Variants in NFIA observed in about 807,000 individuals in gnomAD.
NFIA encodes the protein nuclear factor 1 A-type.
In NFIA, 8 loss-of-function variants were observed where a neutral mutation model predicts 62.8. That is an observed-to-expected ratio of 0.13 (90% CI 0.07 to 0.23). The LOEUF is 0.23. Ranked by LOEUF, NFIA falls within the 10% of genes least tolerant of loss-of-function variation. The pLI, the probability that NFIA is intolerant of heterozygous loss-of-function variation, is 1.00. For synonymous variants in NFIA, 235 were observed against 238.1 expected (o/e 0.99, Z 0.12); for missense variants, 410 against 642.1 (o/e 0.64, Z 3.91).
At chr1:61,365,251 A>G (rs1175219473) in intron 6 of NFIA, among the ~76,000 whole-genome samples, 1 of 152,158 alleles carries the variant, frequency 6.6e-6, no homozygotes, top group Admixed American at 6.5e-5. Flanking sequence ...CAGAATTTTA[A>G]CAAGATCTCC....
chr1:61,280,773 G>A (rs1003152826), intron 3 of NFIA, among the ~76,000 whole-genome samples: 1 of 152,140 alleles, frequency 6.6e-6, no homozygotes, highest in African/African-American at 2.4e-5. Flanking sequence ...GAATTTTGAA[G>A]GAATTATCTG....
intron 2 of NFIA, among the ~76,000 whole-genome samples, chr1:61,203,985 T>G (rs1488040893): frequency 6.6e-6 from 1 of 152,222 alleles, no homozygotes; most frequent in Admixed American, 6.5e-5. Flanking sequence ...CTGTAGTTGG[T>G]GAATACTCAT....
In NFIA at chr1:61,307,834, A is replaced by G. The variant is rs1659882876; in HGVS notation, c.626-24678A>G. The stretch of plus-strand genomic sequence containing the variant: ...TTGTGATGATAACTGATGCATCTGA[A>G]GTAGAGGTGGGAGCCCTTCTTTGTC... On this transcript the variant is annotated intron_variant, in intron 3 of 10. Coordinates refer to ENST00000403491, the MANE Select transcript of NFIA (RefSeq NM_001134673.4). Among the ~76,000 whole-genome samples the G allele has an allele frequency of 2.6e-5, 4 of 152,198 alleles. No individual in the cohort carries two copies. The South Asian group carries it at 8.3e-4, about 31-fold the overall frequency.
At position 61,186,167 on chromosome 1, in the gene NFIA, G is replaced by A. The variant is rs568624952; in HGVS notation, c.560-91353G>A. On this transcript the variant is annotated intron_variant, in intron 2 of 10. Coordinates refer to ENST00000403491, the MANE Select transcript of NFIA (RefSeq NM_001134673.4). ...TGTTTTCAGTGCTCCATTGAGAGTC[G>A]GTGGAGCACACTGGTTGGGAGAAGA... 3.3e-5 allele frequency among the ~76,000 whole-genome samples: 5 copies of A among 152,162 alleles called. No homozygotes were observed. In the East Asian group the frequency reaches 7.7e-4, roughly 24 times the overall value.
chr1:61,334,088 C>T (rs1465068980), intron 4 of NFIA, among the ~76,000 whole-genome samples: 1 of 152,060 alleles, frequency 6.6e-6, no homozygotes, highest in Non-Finnish European at 1.5e-5. Flanking sequence ...TAGACTGGCC[C>T]AAAGGAACTT....
At chr1:61,415,363 A>T (rs979240444) in intron 9 of NFIA, among the ~76,000 whole-genome samples, 1 of 152,208 alleles carries the variant, frequency 6.6e-6, no homozygotes, top group East Asian at 1.9e-4. Flanking sequence ...AAAGTATCCA[A>T]AATTTATGCA....
rs781184518 is a variant in NFIA at position 61,383,275 on chromosome 1, T to A, written c.985T>A (p.Ser329Thr). 6.2e-7 allele frequency: 1 copy of A among 1,613,872 alleles called. No individual in the cohort carries two copies. Among genetic ancestry groups the A allele is most frequent in the Non-Finnish European group, 8.5e-7 (1 of 1,179,924 alleles). ...AACCACACTGAAGAAGTCGGAGAAGTCTGGTTTCAGCAGCCCCTCCCCTTC... is the reference window on the plus strand; with the variant it reads ...AACCACACTGAAGAAGTCGGAGAAGACTGGTTTCAGCAGCCCCTCCCCTTC... ...SPTTLKKSEK[S>T]GFSSPSPSQT... Residue 329 changes from serine (S) to threonine (T), a missense_variant, in exon 7 of 11, where the codon TCT (serine) becomes ACT (threonine). Coordinates refer to ENST00000403491, the MANE Select transcript of NFIA (RefSeq NM_001134673.4).
At chr1:61,408,026 C>T (rs1165865505) in intron 9 of NFIA, among the ~76,000 whole-genome samples, 3 of 152,166 alleles carry the variant, frequency 2.0e-5, no homozygotes, top group Non-Finnish European at 4.4e-5. Context: ...TCTGGGGGCA[C>T]GGAATCCAGA....
At chr1:61,294,606 T>G (rs1304954235) in intron 3 of NFIA, among the ~76,000 whole-genome samples, 2 of 152,272 alleles carry the variant, frequency 1.3e-5, no homozygotes, top group Non-Finnish European at 1.5e-5. Context: ...GAATAATGCC[T>G]TTAAAGGCAG....
At chr1:61,395,288 GT>G (rs1303184667) in intron 7 of NFIA, among the ~76,000 whole-genome samples, 281 of 135,554 alleles carry the variant, frequency 2.1e-3, no homozygotes, top group East Asian at 4.9e-3. Context: ...GTGTGTGTGT[GT>G]TTTTTTTTTT....
At chr1:61,240,254 GC>G (rs977896634) in intron 2 of NFIA, among the ~76,000 whole-genome samples, 2 of 151,992 alleles carry the variant, frequency 1.3e-5, no homozygotes, top group African/African-American at 2.4e-5. Context: ...TTAATGGATG[GC>G]TTTAGCCTTC....
chr1:61,395,365 T>C (rs774778823), intron 7 of NFIA, among the ~76,000 whole-genome samples: 1 of 151,894 alleles, frequency 6.6e-6, no homozygotes, highest in South Asian at 2.1e-4. Flanking sequence ...AAGAAGCATC[T>C]GCATGGATCT....
intron 3 of NFIA, among the ~76,000 whole-genome samples, chr1:61,284,780 C>T (rs1570511685): frequency 6.6e-6 from 1 of 152,136 alleles, no homozygotes. Context: ...AGACATCTTC[C>T]CCTCCCCACT....
chr1:61,455,513 A>ATT lies in NFIA; in HGVS notation c.*205_*206dup, dbSNP rs11423561. The ATT allele has an allele frequency of 0.017, 9,873 of 579,074 alleles. 29 individuals are homozygous for ATT. The highest frequency in any genetic ancestry group is 0.036 in the African/African-American group (1,881 of 51,946). 35.9% of individuals were successfully genotyped at this position (579,074 alleles called of 1,614,324 possible). The stretch of plus-strand genomic sequence containing the variant: ...ACAGCAAAGGCCATAACCTTTTGGG[A>ATT]TTTTTTTTTTTTTAAAATACTTTAG... On this transcript the variant is annotated 3_prime_UTR_variant, in exon 11 of 11. Transcript: ENST00000403491.
At chr1:61,199,232 T>C (rs1652247331) in intron 2 of NFIA, among the ~76,000 whole-genome samples, 1 of 152,200 alleles carries the variant, frequency 6.6e-6, no homozygotes, top group South Asian at 2.1e-4. Context: ...TAAAATAGGA[T>C]TAGATGGAGC....
At chr1:61,198,437 CAGAG>C (rs1384492894) in intron 2 of NFIA, among the ~76,000 whole-genome samples, 2 of 152,110 alleles carry the variant, frequency 1.3e-5, no homozygotes, top group African/African-American at 2.4e-5. Context: ...GTTATGGTGA[CAGAG>C]AGAGCACCCC....
chr1:61,199,443 A>C (rs530543046), intron 2 of NFIA, among the ~76,000 whole-genome samples: 1 of 152,296 alleles, frequency 6.6e-6, no homozygotes, highest in Non-Finnish European at 1.5e-5. Flanking sequence ...GGCAACTGCT[A>C]ACACTCTCAT....
chr1:61,279,412 AAG>A (rs1249556507), intron 3 of NFIA, among the ~76,000 whole-genome samples: 4 of 151,818 alleles, frequency 2.6e-5, no homozygotes, highest in Admixed American at 1.3e-4. Flanking sequence ...AAAAAAAAAA[AAG>A]AGAGAACTCT....
chr1:61,372,886 A>T (rs1338942906), intron 6 of NFIA, among the ~76,000 whole-genome samples: 1 of 152,140 alleles, frequency 6.6e-6, no homozygotes, highest in African/African-American at 2.4e-5. Context: ...AGGTTTTCTT[A>T]TAAGGAATGG....
Sources: allele counts gnomAD v4.1 joint callset (sites outside exome capture counted in the v4.1 genomes callset), GRCh38; gene constraint gnomAD v4.1.1; transcripts MANE v1.5; gene names NCBI Gene and HGNC (gene_info 2026-07-23, HGNC 2026-07-21).